SPATS2L: variants seen among roughly 807,000 people sequenced by gnomAD.
SPATS2L encodes SPATS2-like protein.
SPATS2L carries 30 observed loss-of-function variants against 59.6 expected under a neutral mutation model. The observed-to-expected ratio is 0.50, with a 90% CI of 0.38 to 0.68. The LOEUF (loss-of-function observed/expected upper bound fraction) is 0.68. Among genes scored for constraint, SPATS2L ranks in the 30% least tolerant of loss-of-function variants. The probability of loss-of-function intolerance (pLI) is 0.00; values close to 1 mark genes in which losing one functional copy is unlikely to be tolerated. For missense variants in SPATS2L, 615 were observed against 700.0 expected (o/e 0.88, Z 1.37); for synonymous variants, 252 against 263.5 (o/e 0.96, Z 0.42).
In SPATS2L at chr2:200,430,715, C is replaced by CTT. The variant is rs1179889614; in HGVS notation, c.446-8388_446-8387dup. Among the ~76,000 whole-genome samples, 162 of 127,250 alleles carry CTT rather than the reference C, an allele frequency of 1.3e-3. 1 individual carries two copies. The highest frequency in any genetic ancestry group is 2.6e-3 in the African/African-American group (86 of 33,132). 83.5% of individuals were successfully genotyped at this position (127,250 alleles called of 152,430 possible). On this transcript the variant is annotated intron_variant, in intron 6 of 12. Coordinates refer to ENST00000409140, the MANE Select transcript of SPATS2L (RefSeq NM_001100423.2). Reference sequence around the variant, plus strand: ...AACTGTTGTCCGTGTGAATTGTTTCCTTTTTTTTTTTTTTTTTTTTGAGAC... The same window carrying CTT: ...AACTGTTGTCCGTGTGAATTGTTTCCTTTTTTTTTTTTTTTTTTTTTTGAGAC...
At chr2:200,364,529 A>G (rs2081208412) in intron 2 of SPATS2L, among the ~76,000 whole-genome samples, 1 of 152,186 alleles carries the variant, frequency 6.6e-6, no homozygotes, top group South Asian at 2.1e-4. Context: ...ATAGTGGCCC[A>G]GTCACTTTAA....
intron 2 of SPATS2L, among the ~76,000 whole-genome samples, chr2:200,364,447 T>C (rs1282349144): frequency 6.6e-6 from 1 of 152,212 alleles, no homozygotes; most frequent in Non-Finnish European, 1.5e-5. Flanking sequence ...GATTTCCCAC[T>C]GAGTGCCCTG....
intron 2 of SPATS2L, among the ~76,000 whole-genome samples, chr2:200,385,131 G>GA (rs970450402): frequency 3.3e-5 from 5 of 152,216 alleles, no homozygotes; most frequent in African/African-American, 1.2e-4. Flanking sequence ...ATTAAGGTAT[G>GA]AGTATTCAGT....
At chr2:200,323,909 G>A (rs2079645083) in intron 1 of SPATS2L, among the ~76,000 whole-genome samples, 1 of 152,230 alleles carries the variant, frequency 6.6e-6, no homozygotes, top group African/African-American at 2.4e-5. Flanking sequence ...GCAAGTGCTG[G>A]AGGGGACAGG....
chr2:200,365,897 ACTGTTCTTTTAG>A (rs575034943), intron 2 of SPATS2L, among the ~76,000 whole-genome samples: 82 of 152,162 alleles, frequency 5.4e-4, no homozygotes, highest in Non-Finnish European at 9.8e-4. Context: ...TATTTCATGT[ACTGTTCTTTTAG>A]CTAGGACTCA....
chr2:200,391,043 C>A (rs1049961250), intron 3 of SPATS2L, among the ~76,000 whole-genome samples: 2 of 152,010 alleles, frequency 1.3e-5, no homozygotes, highest in African/African-American at 4.8e-5. Context: ...ACACGTAATC[C>A]CAGCTACTCA....
chr2:200,464,129 A>G (rs1264172917), intron 9 of SPATS2L, among the ~76,000 whole-genome samples: 1 of 152,244 alleles, frequency 6.6e-6, no homozygotes, highest in African/African-American at 2.4e-5. Context: ...GGTGCTTCCA[A>G]AACATACTTA....
chr2:200,456,847 C>A (rs2085869436), intron 8 of SPATS2L, among the ~76,000 whole-genome samples: 1 of 152,144 alleles, frequency 6.6e-6, no homozygotes, highest in Admixed American at 6.5e-5. Context: ...ATTTATAAAG[C>A]CTTCTAGTTG....
Position 200,389,268 on chromosome 2 carries a change from G to T in SPATS2L, c.24G>T (p.Val8=), listed in dbSNP as rs191083791. The T allele has an allele frequency of 6.5e-5, 103 of 1,583,448 alleles. No individual in the cohort carries two copies. In the African/African-American group the frequency reaches 1.2e-3, roughly 19 times the overall value. ...AGATGGCTGAACTCAATACTCATGT[G>T]AATGTCAAGGAAAAGGTAAGATCAA... MAELNTH[V]NVKEKIYAVR... Residue 8 remains valine (V), a synonymous_variant, in exon 3 of 13, where the codon GTG becomes GTT. Transcript: ENST00000409140.
At chr2:200,334,611 G>A (rs2080076257) in intron 2 of SPATS2L, among the ~76,000 whole-genome samples, 2 of 151,928 alleles carry the variant, frequency 1.3e-5, no homozygotes, top group African/African-American at 4.8e-5. Context: ...GAATGGTATT[G>A]CCTAGGTTTT....
chr2:200,470,089 G>A lies in SPATS2L; in HGVS notation c.1060+73G>A, dbSNP rs2086908764. Reference sequence around the variant, plus strand: ...GCTATTTGGAGTTGCTATTGGAAATGTCAGGTGTGCAGTCCCCCCAGGGGG... The same window carrying A: ...GCTATTTGGAGTTGCTATTGGAAATATCAGGTGTGCAGTCCCCCCAGGGGG... On this transcript the variant is annotated intron_variant, in intron 11 of 12. Transcript: ENST00000409140. 26 of 1,283,252 alleles carry A rather than the reference G, an allele frequency of 2.0e-5. No homozygotes were observed. In the South Asian group the frequency reaches 3.2e-4, roughly 16 times the overall value. 79.5% of individuals were successfully genotyped at this position (1,283,252 alleles called of 1,614,324 possible). A position where few individuals can be genotyped will look rare whatever the true frequency, so the allele number is the denominator to read the frequency against.
intron 1 of SPATS2L, among the ~76,000 whole-genome samples, chr2:200,326,484 A>G (rs2079747277): frequency 6.6e-6 from 1 of 152,202 alleles, no homozygotes; most frequent in Admixed American, 6.5e-5. Context: ...TAAGAAAGCT[A>G]TTTATCCAAA....
chr2:200,382,787 G>A (rs1006709957), intron 2 of SPATS2L, among the ~76,000 whole-genome samples: 1 of 152,126 alleles, frequency 6.6e-6, no homozygotes, highest in Non-Finnish European at 1.5e-5. Flanking sequence ...GAAAAAAAAT[G>A]TATGTCAAGC....
chr2:200,420,210 T>C (rs1270367100), intron 6 of SPATS2L, among the ~76,000 whole-genome samples: 1 of 150,840 alleles, frequency 6.6e-6, no homozygotes, highest in Non-Finnish European at 1.5e-5. Flanking sequence ...TTCTGAAAAA[T>C]AAGGAAACTG....
At chr2:200,400,468 CAA>C (rs202124998) in intron 3 of SPATS2L, among the ~76,000 whole-genome samples, 516 of 152,216 alleles carry the variant, frequency 3.4e-3, no homozygotes, top group African/African-American at 0.012. Flanking sequence ...AAACGTAGAT[CAA>C]AGAGACTGTT....
intron 2 of SPATS2L, among the ~76,000 whole-genome samples, chr2:200,338,368 AT>A (rs2080211823): frequency 6.6e-6 from 1 of 152,162 alleles, no homozygotes; most frequent in East Asian, 1.9e-4. Context: ...ATTTTAGTAG[AT>A]TGAGATCTTC....
chr2:200,429,579 G>T (rs561766085), intron 6 of SPATS2L, among the ~76,000 whole-genome samples: 8 of 152,304 alleles, frequency 5.3e-5, no homozygotes, highest in Non-Finnish European at 8.8e-5. Context: ...GACAGTGGCG[G>T]GAGGTGGGGA....
intron 2 of SPATS2L, among the ~76,000 whole-genome samples, chr2:200,339,834 GT>G (rs1425106605): frequency 3.3e-5 from 5 of 152,166 alleles, no homozygotes; most frequent in African/African-American, 1.2e-4. Flanking sequence ...TTTAACGTTT[GT>G]GGCATGAAGA....
At chr2:200,477,552 T>G in intron 12 of SPATS2L, 84 bp from the exon 13 acceptor site, 1 of 929,216 alleles carries the variant, frequency 1.1e-6, no homozygotes, top group Non-Finnish European at 1.5e-6. Flanking sequence ...TACCTGTGGC[T>G]TAGAGATTTG....
Sources: allele counts gnomAD v4.1 joint callset (sites outside exome capture counted in the v4.1 genomes callset), GRCh38; gene constraint gnomAD v4.1.1; transcripts MANE v1.5; gene names NCBI Gene and HGNC (gene_info 2026-07-23, HGNC 2026-07-21).